KCNAB1: variants seen among roughly 807,000 people sequenced by gnomAD.
KCNAB1 encodes potassium voltage-gated channel subfamily A regulatory beta subunit 1, also known as voltage-gated potassium channel subunit beta-1.
Under a neutral mutation model 64.6 loss-of-function variants are expected in KCNAB1, and 35 were observed. That is an observed-to-expected ratio of 0.54 (90% CI 0.41 to 0.72). The LOEUF is 0.72. KCNAB1 is among the 30% of genes least tolerant of loss of function. KCNAB1 has a pLI of 0.00. For missense variants in KCNAB1, 401 were observed against 512.9 expected (o/e 0.78, Z 2.11); for synonymous variants, 177 against 183.8 (o/e 0.96, Z 0.30).
intron 1 of KCNAB1, chr3:156,291,474 A>G (rs1720413663): frequency 3.8e-6 from 4 of 1,040,842 alleles, no homozygotes; most frequent in Non-Finnish European, 3.5e-6. Flanking sequence ...GATTTGAGCC[A>G]TCGCCCAGAA....
chr3:156,328,252 A>G (rs951954844), intron 1 of KCNAB1, among the ~76,000 whole-genome samples: 6 of 152,158 alleles, frequency 3.9e-5, no homozygotes, highest in Admixed American at 6.6e-5. Flanking sequence ...GGCTTGGTAT[A>G]CCACTTAAAA....
intron 5 of KCNAB1, among the ~76,000 whole-genome samples, chr3:156,463,149 A>T (rs1286936319): frequency 6.6e-6 from 1 of 152,198 alleles, no homozygotes; most frequent in Non-Finnish European, 1.5e-5. Flanking sequence ...CTATGTAGTC[A>T]GTTCCTGCCT....
chr3:156,171,949 G>A (rs1712022392), intron 1 of KCNAB1, among the ~76,000 whole-genome samples: 1 of 152,208 alleles, frequency 6.6e-6, no homozygotes, highest in African/African-American at 2.4e-5. Flanking sequence ...ATTTGAGGCT[G>A]TGTATATCAG....
intron 1 of KCNAB1, among the ~76,000 whole-genome samples, chr3:156,402,998 C>T (rs1452582385): frequency 3.3e-5 from 5 of 152,122 alleles, no homozygotes; most frequent in South Asian, 2.1e-4. Flanking sequence ...GACCCTATGC[C>T]GAGCTCTGAA....
chr3:156,144,521 A>G (rs938871195), intron 1 of KCNAB1, among the ~76,000 whole-genome samples: 5 of 152,214 alleles, frequency 3.3e-5, no homozygotes, highest in Non-Finnish European at 5.9e-5. Context: ...AGCCTACCAC[A>G]TCCTGCTTTA....
chr3:156,130,377 G>C (rs901757852), intron 1 of KCNAB1, among the ~76,000 whole-genome samples: 2 of 152,166 alleles, frequency 1.3e-5, no homozygotes, highest in African/African-American at 4.8e-5. Flanking sequence ...GCTGACCAAA[G>C]TCTATGACAT....
intron 1 of KCNAB1, among the ~76,000 whole-genome samples, chr3:156,240,629 C>T (rs1395017746): frequency 6.6e-6 from 1 of 152,176 alleles, no homozygotes; most frequent in Non-Finnish European, 1.5e-5. Context: ...ATTTAACTCC[C>T]TTATATTACC....
chr3:156,348,329 G>A (rs1724625849), intron 1 of KCNAB1, among the ~76,000 whole-genome samples: 1 of 152,208 alleles, frequency 6.6e-6, no homozygotes, highest in South Asian at 2.1e-4. Flanking sequence ...AGACCAGCAA[G>A]GGTCTATTGC....
chr3:156,286,979 G>A (rs932071255), intron 1 of KCNAB1, among the ~76,000 whole-genome samples: 1 of 152,160 alleles, frequency 6.6e-6, no homozygotes, highest in Non-Finnish European at 1.5e-5. Context: ...AGAGAACCAC[G>A]TTCTTGCACC....
intron 1 of KCNAB1, among the ~76,000 whole-genome samples, chr3:156,307,451 T>C (rs910401677): frequency 2.6e-5 from 4 of 152,156 alleles, no homozygotes; most frequent in East Asian, 1.9e-4. Context: ...AGTACACTTA[T>C]GTCTCAAAAG....
intron 1 of KCNAB1, among the ~76,000 whole-genome samples, chr3:156,233,079 G>T (rs1032419016): frequency 6.6e-6 from 1 of 152,138 alleles, no homozygotes; most frequent in African/African-American, 2.4e-5. Context: ...TAATAGTTCT[G>T]CACTGAAATC....
intron 13 of KCNAB1, among the ~76,000 whole-genome samples, chr3:156,532,919 G>A (rs4680280): frequency 0.85 from 129,643 of 152,254 alleles, 55,402 homozygotes; most frequent in East Asian, 0.98. Flanking sequence ...GCCTGGCATC[G>A]TGCTAGGCAG....
chr3:156,313,236 A>T (rs919041120), intron 1 of KCNAB1, among the ~76,000 whole-genome samples: 2 of 152,208 alleles, frequency 1.3e-5, no homozygotes, highest in African/African-American at 4.8e-5. Flanking sequence ...ATTCAATATT[A>T]AAATGGACTA....
In KCNAB1 at chr3:156,478,978, G is replaced by C. The variant is rs547080167; in HGVS notation, c.658+4158G>C. On this transcript the variant is annotated intron_variant, in intron 8 of 13. Transcript: ENST00000490337. ...TCTGCAACCCCATGGAATACAGTTA[G>C]ACATTTTCAGGCTATGGGAAGATGT... 1.3e-3 allele frequency among the ~76,000 whole-genome samples: 197 copies of C among 152,292 alleles called. 2 individuals are homozygous for C. Among genetic ancestry groups the C allele is most frequent in the Middle Eastern group, 3.4e-3 (1 of 294 alleles).
In KCNAB1 at chr3:156,272,225, C is replaced by T. The variant is rs116608902; in HGVS notation, c.276-149391C>T. 8.1e-3 allele frequency among the ~76,000 whole-genome samples: 1,234 copies of T among 152,342 alleles called. 18 individuals are homozygous for T. The highest frequency in any genetic ancestry group is 0.028 in the African/African-American group (1,182 of 41,588). On this transcript the variant is annotated intron_variant, in intron 1 of 13. Coordinates refer to ENST00000490337, the MANE Select transcript of KCNAB1 (RefSeq NM_172160.3). ...TAACTGGCTATTGCCTATGTTTGGT[C>T]AAGGGCCTCAGGCTGTACAATCAAT...
chr3:156,499,055 G>A (rs1036359951), intron 8 of KCNAB1, among the ~76,000 whole-genome samples: 1 of 152,196 alleles, frequency 6.6e-6, no homozygotes, highest in Non-Finnish European at 1.5e-5. Context: ...ACATTTTGGT[G>A]GACCAAAGAA....
At chr3:156,314,778 C>T (rs1486450487) in intron 1 of KCNAB1, among the ~76,000 whole-genome samples, 8 of 152,142 alleles carry the variant, frequency 5.3e-5, no homozygotes, top group African/African-American at 1.7e-4. Context: ...TTTGGGAGGC[C>T]AAGGTGGGTG....
intron 1 of KCNAB1, among the ~76,000 whole-genome samples, chr3:156,206,261 G>A (rs1195710384): frequency 6.6e-6 from 1 of 152,200 alleles, no homozygotes; most frequent in Non-Finnish European, 1.5e-5. Flanking sequence ...CCCAAATGAT[G>A]GCTCTCACTG....
chr3:156,455,707 TCA>T (rs1712356039), intron 3 of KCNAB1, among the ~76,000 whole-genome samples: 1 of 151,710 alleles, frequency 6.6e-6, no homozygotes, highest in Non-Finnish European at 1.5e-5. Flanking sequence ...CAGGGCCGCC[TCA>T]GTCTGTGACT....
Sources: gnomAD v4.1 joint callset for allele counts (sites outside exome capture counted in the v4.1 genomes callset) on GRCh38, gnomAD v4.1.1 for gene constraint, MANE v1.5 for transcripts, NCBI Gene and HGNC (gene_info 2026-07-23, HGNC 2026-07-21) for gene names.